Variants in CLDN15 observed in about 807,000 individuals in gnomAD.
CLDN15 encodes the protein claudin-15.
A neutral mutation model predicts 24.5 loss-of-function variants in CLDN15; 9 were observed. The observed-to-expected ratio is 0.37, with a 90% confidence interval of 0.22 to 0.64. The LOEUF (loss-of-function observed/expected upper bound fraction) is 0.64. Among genes scored for constraint, CLDN15 ranks in the 30% least tolerant of loss-of-function variants. The pLI is 0.63. For missense variants in CLDN15, 248 were observed against 305.9 expected (o/e 0.81, Z 1.41); for synonymous variants, 149 against 131.4 (o/e 1.13, Z -0.92).
upstream of CLDN15, chr7:101,238,036 C>A: frequency 4.3e-6 from 1 of 235,220 alleles, no homozygotes; most frequent in Non-Finnish European, 8.6e-6. Context: ...TCATTGGGGG[C>A]CAAAGAACGG....
rs1293212799 is a variant in CLDN15 at position 101,232,381 on chromosome 7, AAGACAGCGGGGCCCACGGGCCAG to A, written c.*6_*28del. Reference sequence around the variant, plus strand: ...GGTCCCCTCTCCTTGGGGCAGTGGGAAGACAGCGGGGCCCACGGGCCAGAGCTGCTACACGTAGGCGTTTCTGC... The same window carrying A: ...GGTCCCCTCTCCTTGGGGCAGTGGGAAGCTGCTACACGTAGGCGTTTCTGC... On this transcript the variant is annotated 3_prime_UTR_variant, in exon 5 of 5. Coordinates refer to ENST00000308344, the MANE Select transcript of CLDN15 (RefSeq NM_014343.3). The A allele has an allele frequency of 6.6e-7, 1 of 1,523,916 alleles. No homozygotes were observed. Among genetic ancestry groups the A allele is most frequent in the African/African-American group, 1.4e-5 (1 of 73,016 alleles). The allele number at this position is 1,523,916 out of a possible 1,614,324, so 94.4% of individuals were successfully genotyped here. A position where few individuals can be genotyped will look rare whatever the true frequency, so the allele number is the denominator to read the frequency against.
chr7:101,236,655 C>A (rs771329479), intron 1 of CLDN15: 53 of 1,023,878 alleles, frequency 5.2e-5, no homozygotes, highest in Non-Finnish European at 6.4e-5. Context: ...GAAGGTGCCG[C>A]AGCCACAGAA....
At position 101,237,664 on chromosome 7, in the gene CLDN15, TAAG is replaced by T; in HGVS notation, c.-86_-84del. 1.0e-6 allele frequency: 1 copy of T among 978,764 alleles called. No individual in the cohort carries two copies. The highest frequency in any genetic ancestry group is 2.0e-5 in the Admixed American group (1 of 51,062). 60.6% of individuals were successfully genotyped at this position (978,764 alleles called of 1,614,324 possible). On this transcript the variant is annotated 5_prime_UTR_variant, in exon 1 of 5. Transcript: ENST00000308344. The surrounding 1 kb of genome is among the most constrained non-coding windows in gnomAD (Gnocchi z 4.0). ...CTAGGGAACTGGAAGGGGCTGCGGC[TAAG>T]GAGGGTTGTCCAGGCAGGCTGGGGT...
At chr7:101,235,414 C>T (rs115064081) in intron 1 of CLDN15, among the ~76,000 whole-genome samples, 1,801 of 152,238 alleles carry the variant, frequency 0.012, 32 homozygotes, top group African/African-American at 0.041. Flanking sequence ...CAGGTGTGGA[C>T]CACCACACCC....
chr7:101,237,394 C>G lies in CLDN15; in HGVS notation c.188G>C (p.Trp63Ser). 1 of 1,612,966 alleles carries G rather than the reference C, an allele frequency of 6.2e-7. No individual in the cohort carries two copies. Among genetic ancestry groups the G allele is most frequent in the Non-Finnish European group, 8.5e-7 (1 of 1,179,424 alleles). Residue 63 changes from tryptophan to serine, a missense_variant, in exon 1 of 5, where the codon TGG becomes TCG. Coordinates refer to ENST00000308344, the MANE Select transcript of CLDN15 (RefSeq NM_014343.3). The surrounding 1 kb of genome is among the most constrained non-coding windows in gnomAD (Gnocchi z 4.0). ...GAGGGCCAGCATGGACGGGAACTCC[C>G]AGCAGTTGTAGACGCCCAGGGAGTC... is the stretch of plus-strand genomic sequence containing the variant. ...ATDSLGVYNC[W>S]EFPSMLALSG...
upstream of CLDN15, chr7:101,238,210 T>G (rs1798672161): frequency 1.3e-5 from 2 of 156,840 alleles, no homozygotes; most frequent in African/African-American, 4.8e-5. Context: ...ATGAGTCTCT[T>G]AAGGAAGATC....
At chr7:101,234,037 C>T (rs1373251369) in intron 2 of CLDN15, 12 of 689,316 alleles carry the variant, frequency 1.7e-5, no homozygotes, top group Non-Finnish European at 3.2e-5. Context: ...TCTTCGAAGT[C>T]CCTCCCACAC....
In CLDN15 at chr7:101,234,293, G is replaced by A. The variant is rs1352583962; in HGVS notation, c.367C>T (p.Leu123Phe). The change falls in exon 2 of 5, where the codon CTC (leucine) becomes TTC (phenylalanine). Residue 123 changes from leucine to phenylalanine, a missense_variant. By Grantham distance (22) the Leu-to-Phe change is conservative. Coordinates refer to ENST00000308344, the MANE Select transcript of CLDN15 (RefSeq NM_014343.3). ...KAKLAATAGA[L>F]HILAGICGMV... ...CCCCAGTTACCGGCCAGAATGTGGA[G>A]GGCCCCTGCGGTGGCCGCCAGCTTG... 3.7e-6 allele frequency: 6 copies of A among 1,607,444 alleles called. No homozygotes were observed. The highest frequency in any genetic ancestry group is 1.7e-5 in the Admixed American group (1 of 60,016).
rs766828072 is a variant in CLDN15 at position 101,232,836 on chromosome 7, G to A, written c.461C>T (p.Thr154Ile). 3.0e-5 allele frequency: 49 copies of A among 1,612,584 alleles called. No homozygotes were observed. The highest frequency in any genetic ancestry group is 3.6e-5 in the Non-Finnish European group (43 of 1,179,000). The change falls in exon 3 of 5, where the codon ACC (threonine) becomes ATC (isoleucine). Residue 154 changes from threonine to isoleucine, a missense_variant. Transcript: ENST00000308344. Reference protein sequence around the residue: ...RDFFDPLYPGTKYELGPALYL... With the variant: ...RDFFDPLYPGIKYELGPALYL... ...GGTGGGGGGTTTCCTCACTCACTTG[G>A]TTCCGGGGTACAAGGGGTCGAAGAA...
chr7:101,232,956 G>A (rs1209884292), intron 2 of CLDN15, 42 bp from the exon 3 acceptor site: 4 of 1,187,288 alleles, frequency 3.4e-6, no homozygotes, highest in East Asian at 2.6e-5. Flanking sequence ...CAGGGGGAGG[G>A]ATAGTGGGGG....
chr7:101,232,871 G>A lies in CLDN15; in HGVS notation c.426C>T (p.Ile142=). 6.2e-7 allele frequency: 1 copy of A among 1,613,168 alleles called. No individual in the cohort carries two copies. The highest frequency in any genetic ancestry group is 8.5e-7 in the Non-Finnish European group (1 of 1,179,722). The change falls in exon 3 of 5, where the codon ATC becomes ATT. Residue 142 remains isoleucine, a synonymous_variant. Transcript: ENST00000308344. ...ACAAGGGGTCGAAGAAGTCCCGGGTGATGTTGAAGGCGTACCAGGAGATGG... is the reference window on the plus strand; with the variant it reads ...ACAAGGGGTCGAAGAAGTCCCGGGTAATGTTGAAGGCGTACCAGGAGATGG... ...MVAISWYAFN[I]TRDFFDPLYP...
chr7:101,235,227 AG>A (rs1798599438), intron 1 of CLDN15, among the ~76,000 whole-genome samples: 1 of 152,172 alleles, frequency 6.6e-6, no homozygotes, highest in Non-Finnish European at 1.5e-5. Flanking sequence ...CTGGAGTAAC[AG>A]GTAGGGGGCA....
Position 101,237,279 on chromosome 7 carries a change from C to A in CLDN15, c.217+86G>T. 5 of 877,958 alleles carry A rather than the reference C, an allele frequency of 5.7e-6. No individual in the cohort carries two copies. The highest frequency in any genetic ancestry group is 9.3e-6 in the Non-Finnish European group (5 of 535,978). 54.4% of individuals were successfully genotyped at this position (877,958 alleles called of 1,614,324 possible). ...GCAGAGCTTAATTCAGGGCTCCCTG[C>A]ATCCTCACGGAAGTACCCGCCCTCC... On this transcript the variant is annotated intron_variant, in intron 1 of 4. Coordinates refer to ENST00000308344, the MANE Select transcript of CLDN15 (RefSeq NM_014343.3). The surrounding 1 kb of genome is among the most constrained non-coding windows in gnomAD (Gnocchi z 4.0).
rs748011705 is a variant in CLDN15, at chr7:101,237,545, C to T, written c.37G>A (p.Ala13Thr). 18 of 1,614,056 alleles carry T rather than the reference C, an allele frequency of 1.1e-5. No homozygotes were observed. The East Asian group carries it at 3.6e-4, about 32-fold the overall frequency. ...CCCAGCATCAGCAGCCCCACAGTTG[C>T]CATGAAGAAGCCAAAGGTTTCCACA... Reference protein sequence around the residue: ...MAVETFGFFMATVGLLMLGVT... With the variant: ...MAVETFGFFMTTVGLLMLGVT... Residue 13 changes from alanine to threonine, a missense_variant, in exon 1 of 5, where the codon GCA becomes ACA. By Grantham distance (58) the Ala-to-Thr change is moderately conservative. Transcript: ENST00000308344. The surrounding 1 kb of genome is among the most constrained non-coding windows in gnomAD (Gnocchi z 4.0).
intron 2 of CLDN15, 134 bp downstream of exon 2, chr7:101,234,134 GGCAGGGGTGA>G: frequency 1.3e-6 from 1 of 790,984 alleles, no homozygotes; most frequent in African/African-American, 1.7e-5. Flanking sequence ...GTACAGATGA[GGCAGGGGTGA>G]GCAGGTGTCC....
intron 1 of CLDN15, 83 bp from the exon 2 acceptor site, chr7:101,234,525 CAA>C: frequency 1.0e-6 from 1 of 959,674 alleles, no homozygotes. Flanking sequence ...ATCCCAGGTT[CAA>C]GTGATTCTCC....
At chr7:101,236,295 T>C (rs1329653659) in intron 1 of CLDN15, among the ~76,000 whole-genome samples, 2 of 151,808 alleles carry the variant, frequency 1.3e-5, no homozygotes, top group Admixed American at 1.3e-4. Context: ...ATACAGTCAG[T>C]CCTAGAGAGA....
intron 1 of CLDN15, chr7:101,236,953 C>T: frequency 4.0e-6 from 2 of 505,076 alleles, no homozygotes; most frequent in Admixed American, 4.8e-5. Flanking sequence ...CCAGCAATCC[C>T]ACCCCCAAAA....
Position 101,237,425 on chromosome 7 carries a change from C to T in CLDN15, c.157G>A (p.Ala53Thr). 6 of 1,613,844 alleles carry T rather than the reference C, an allele frequency of 3.7e-6. No individual in the cohort carries two copies. The highest frequency in any genetic ancestry group is 5.1e-6 in the Non-Finnish European group (6 of 1,179,886). ...TTGTAGACGCCCAGGGAGTCGGTGGCACAGCTAAACCAGAGGTTCTCGAAG... is the reference window on the plus strand; with the variant it reads ...TTGTAGACGCCCAGGGAGTCGGTGGTACAGCTAAACCAGAGGTTCTCGAAG... ...TIFENLWFSC[A>T]TDSLGVYNCW... The change falls in exon 1 of 5, where the codon GCC (alanine) becomes ACC (threonine). Residue 53 changes from alanine (A) to threonine (T), a missense_variant. Transcript: ENST00000308344. The surrounding 1 kb of genome is among the most constrained non-coding windows in gnomAD (Gnocchi z 4.0).
Sources: gnomAD v4.1 joint callset for allele counts (sites outside exome capture counted in the v4.1 genomes callset) on GRCh38, gnomAD v4.1.1 for gene constraint, Gnocchi (gnomAD v3.1) non-coding constraint, MANE v1.5 for transcripts, NCBI Gene and HGNC (gene_info 2026-07-23, HGNC 2026-07-21) for gene names.